The following UBE2N variants were observed in gnomAD, a reference collection of about 807,000 sequenced individuals.
The protein encoded by UBE2N is ubiquitin conjugating enzyme E2 N.
For missense variants in UBE2N, 60 were observed against 192.1 expected (o/e 0.31, Z 4.07); for synonymous variants, 70 against 69.2 (o/e 1.01, Z -0.06).
chr12:93,432,830 A>G (rs560425666), intron 1 of UBE2N, among the ~76,000 whole-genome samples: 23 of 152,328 alleles, frequency 1.5e-4, no homozygotes, highest in Middle Eastern at 3.4e-3. Context: ...TTTAAATTAC[A>G]GTAGAATCCT....
chr12:93,425,548 T>C (rs1014083670), intron 1 of UBE2N, among the ~76,000 whole-genome samples: 3 of 152,168 alleles, frequency 2.0e-5, no homozygotes, highest in African/African-American at 4.8e-5. Flanking sequence ...CCAGTGTGTC[T>C]TGCATTTCTT....
chr12:93,441,037 G>C (rs527799271), intron 1 of UBE2N: 3 of 152,560 alleles, frequency 2.0e-5, no homozygotes, highest in Non-Finnish European at 4.4e-5. Flanking sequence ...AAAAAGAGAG[G>C]AGAGGAGAGA....
At position 93,407,849 on chromosome 12, in the gene UBE2N, C is replaced by T. The variant is rs996466790; in HGVS notation, c.*2190G>A. On this transcript the variant is annotated 3_prime_UTR_variant, in exon 4 of 4. Coordinates refer to ENST00000318066, the MANE Select transcript of UBE2N (RefSeq NM_003348.4). Reference sequence around the variant, plus strand: ...AAGGCTCAGTCAACACACTGGCACTCGTTTCATCCCACTGGTTGAGAAAGC... The same window carrying T: ...AAGGCTCAGTCAACACACTGGCACTTGTTTCATCCCACTGGTTGAGAAAGC... 2 of 152,118 alleles carry T rather than the reference C, an allele frequency of 1.3e-5. No individual in the cohort carries two copies. Among genetic ancestry groups the T allele is most frequent in the African/African-American group, 4.8e-5 (2 of 41,414 alleles). The allele number at this position is 152,118 out of a possible 1,614,324, so 9.4% of individuals were successfully genotyped here.
At chr12:93,425,671 T>TTTGC (rs1286959325) in intron 1 of UBE2N, among the ~76,000 whole-genome samples, 5 of 152,080 alleles carry the variant, frequency 3.3e-5, no homozygotes, top group African/African-American at 1.2e-4. Flanking sequence ...ATAGTAGGCC[T>TTTGC]AGCCAAGCAG....
chr12:93,419,941 C>A (rs1462040136), intron 1 of UBE2N, among the ~76,000 whole-genome samples: 1 of 152,176 alleles, frequency 6.6e-6, no homozygotes, highest in Admixed American at 6.5e-5. Flanking sequence ...CTTAGACTCC[C>A]CCAGATAAGC....
chr12:93,429,245 G>C, intron 1 of UBE2N: 2 of 385,566 alleles, frequency 5.2e-6, no homozygotes, highest in Non-Finnish European at 5.0e-6. Flanking sequence ...ACTCCAGCCT[G>C]GGCGACAGAG....
At chr12:93,431,095 C>T (rs1363784763) in intron 1 of UBE2N, among the ~76,000 whole-genome samples, 3 of 151,884 alleles carry the variant, frequency 2.0e-5, no homozygotes, top group African/African-American at 7.2e-5. Context: ...GGTGTGGTGG[C>T]GGGCACCTGT....
At chr12:93,434,330 C>T (rs918751072) in intron 1 of UBE2N, among the ~76,000 whole-genome samples, 5 of 152,162 alleles carry the variant, frequency 3.3e-5, no homozygotes, top group African/African-American at 9.7e-5. Flanking sequence ...GTCATTAACA[C>T]GTGTGGAAAA....
At chr12:93,437,607 G>A in intron 1 of UBE2N, among the ~76,000 whole-genome samples, 1 of 152,116 alleles carries the variant, frequency 6.6e-6, no homozygotes, top group East Asian at 1.9e-4. Context: ...GACCAGCATG[G>A]CCAACATGGT....
intron 1 of UBE2N, among the ~76,000 whole-genome samples, chr12:93,416,946 T>C (rs1409562268): frequency 6.6e-6 from 1 of 151,572 alleles, no homozygotes; most frequent in Non-Finnish European, 1.5e-5. Flanking sequence ...CTTAAATGAA[T>C]TTTGTGATTC....
chr12:93,425,734 C>T lies in UBE2N; in HGVS notation c.31-14435G>A, dbSNP rs373157717. Among the ~76,000 whole-genome samples, 157 of 152,262 alleles carry T rather than the reference C, an allele frequency of 1.0e-3. No individual in the cohort carries two copies. In the South Asian group the frequency reaches 0.031, roughly 30 times the overall value. On this transcript the variant is annotated intron_variant, in intron 1 of 3. Transcript: ENST00000318066. ...AAAAAAGACTTGCAAGACTCCAAAC[C>T]GAATCTTTACAAACTATTTCACACG... is the stretch of plus-strand genomic sequence containing the variant.
In UBE2N at chr12:93,409,608, A is replaced by C. The variant is rs1225122228; in HGVS notation, c.*431T>G. ...AAGACCTGGTTAGCTGCTTTTAACC[A>C]ATGCAATTAGATCACCAAAAAAGGG... On this transcript the variant is annotated 3_prime_UTR_variant, in exon 4 of 4. Coordinates refer to ENST00000318066, the MANE Select transcript of UBE2N (RefSeq NM_003348.4). 5.8e-6 allele frequency: 1 copy of C among 171,664 alleles called. No individual in the cohort carries two copies. Among genetic ancestry groups the C allele is most frequent in the South Asian group, 1.9e-4 (1 of 5,204 alleles). 10.6% of individuals were successfully genotyped at this position (171,664 alleles called of 1,614,324 possible).
intron 1 of UBE2N, chr12:93,429,383 T>G: frequency 2.5e-6 from 1 of 397,758 alleles, no homozygotes. Context: ...TCGTTTAAAA[T>G]TAGTCTGATT....
At chr12:93,436,041 G>A (rs1332120155) in intron 1 of UBE2N, among the ~76,000 whole-genome samples, 3 of 152,118 alleles carry the variant, frequency 2.0e-5, no homozygotes, top group South Asian at 2.1e-4. Context: ...AATCAAATAA[G>A]TCAACCCCTA....
chr12:93,441,785 G>A, intron 1 of UBE2N, 70 bp downstream of exon 1: 3 of 1,561,030 alleles, frequency 1.9e-6, no homozygotes, highest in Admixed American at 1.9e-5. Context: ...GGAGGCGAGA[G>A]GCCGCGCTGC....
chr12:93,415,182 AATGAGAAC>A (rs552422079), intron 1 of UBE2N, among the ~76,000 whole-genome samples: 190 of 152,342 alleles, frequency 1.2e-3, no homozygotes, highest in African/African-American at 4.5e-3. Flanking sequence ...AAAAACAATA[AATGAGAAC>A]ATTTTATTTA....
intron 1 of UBE2N, among the ~76,000 whole-genome samples, chr12:93,431,944 A>G (rs1878783397): frequency 6.6e-6 from 1 of 152,134 alleles, no homozygotes. Context: ...GTTTAAAAAC[A>G]CTTCCTCGGC....
At chr12:93,412,415 T>A (rs1265358985) in intron 1 of UBE2N, among the ~76,000 whole-genome samples, 1 of 152,248 alleles carries the variant, frequency 6.6e-6, no homozygotes, top group Non-Finnish European at 1.5e-5. Context: ...TCACGTACTC[T>A]TGGCTAGGGC....
intron 1 of UBE2N, among the ~76,000 whole-genome samples, chr12:93,434,588 A>G (rs1878874056): frequency 6.6e-6 from 1 of 152,234 alleles, no homozygotes; most frequent in Non-Finnish European, 1.5e-5. Context: ...ATATTAAAAC[A>G]GTATCTTTAG....
Sources: allele counts gnomAD v4.1 joint callset (sites outside exome capture counted in the v4.1 genomes callset), GRCh38; gene constraint gnomAD v4.1.1; transcripts MANE v1.5; gene names NCBI Gene and HGNC (gene_info 2026-07-23, HGNC 2026-07-21).